The following LRRFIP2 variants were observed in gnomAD, a reference collection of about 807,000 sequenced individuals.
LRRFIP2 encodes the protein LRR binding FLII interacting protein 2.
Under a neutral mutation model 125.9 loss-of-function variants are expected in LRRFIP2, and 109 were observed. The ratio of observed to expected loss-of-function variants is 0.87; its 90% CI spans 0.74 to 1.01. The LOEUF (loss-of-function observed/expected upper bound fraction) is 1.01, where lower values mean the gene tolerates loss of function less well. Among genes scored for constraint, LRRFIP2 ranks in the 50% least tolerant of loss-of-function variants. LRRFIP2 has a pLI of 0.00. For synonymous variants in LRRFIP2, 291 were observed against 293.1 expected, an observed-to-expected ratio of 0.99 and a Z score of 0.07; for missense variants, 850 against 862.3, an observed-to-expected ratio of 0.99 and a Z score of 0.18.
chr3:37,077,297 C>T (rs969601235), intron 19 of LRRFIP2, among the ~76,000 whole-genome samples: 1 of 152,078 alleles, frequency 6.6e-6, no homozygotes, highest in African/African-American at 2.4e-5. Flanking sequence ...ATATAGGGAA[C>T]TGGTAGAATA....
intron 24 of LRRFIP2, among the ~76,000 whole-genome samples, chr3:37,061,397 TTTC>T (rs959331974): frequency 4.0e-5 from 6 of 151,334 alleles, no homozygotes; most frequent in African/African-American, 2.4e-5. Flanking sequence ...TCTTTTTCTT[TTTC>T]TTTTTTCCTT....
intron 15 of LRRFIP2, among the ~76,000 whole-genome samples, chr3:37,097,421 C>A (rs1437578470): frequency 6.6e-6 from 1 of 152,280 alleles, no homozygotes; most frequent in East Asian, 1.9e-4. Flanking sequence ...CACTCCCTGA[C>A]ACTACGGTAT....
chr3:37,129,749 T>C (rs1277827990), intron 2 of LRRFIP2, among the ~76,000 whole-genome samples: 1 of 152,140 alleles, frequency 6.6e-6, no homozygotes, highest in Non-Finnish European at 1.5e-5. Flanking sequence ...TCCCAGCACT[T>C]TGGGAGGCCA....
chr3:37,104,070 T>A (rs1367558324), intron 14 of LRRFIP2, among the ~76,000 whole-genome samples: 1 of 152,064 alleles, frequency 6.6e-6, no homozygotes, highest in Non-Finnish European at 1.5e-5. Context: ...GGCTTACAAG[T>A]ATGAAGTTTT....
At chr3:37,155,871 T>C (rs765735083) in intron 1 of LRRFIP2, among the ~76,000 whole-genome samples, 14 of 152,134 alleles carry the variant, frequency 9.2e-5, no homozygotes, top group Non-Finnish European at 1.8e-4. Flanking sequence ...TTCTGTATGT[T>C]TAAAAAAAGT....
chr3:37,111,126 A>G (rs2094532217), intron 8 of LRRFIP2, 61 bp from the exon 9 acceptor site: 8 of 1,393,866 alleles, frequency 5.7e-6, no homozygotes, highest in Non-Finnish European at 6.0e-6. Flanking sequence ...CTAACAACAC[A>G]CAAAGGCAAA....
chr3:37,088,792 T>C (rs2093254310), intron 18 of LRRFIP2, among the ~76,000 whole-genome samples: 1 of 151,918 alleles, frequency 6.6e-6, no homozygotes, highest in Non-Finnish European at 1.5e-5. Context: ...GCAAGAGACC[T>C]TGTCTCTAAA....
At chr3:37,168,001 GA>G (rs2096533355) in intron 1 of LRRFIP2, among the ~76,000 whole-genome samples, 2 of 152,116 alleles carry the variant, frequency 1.3e-5, no homozygotes, top group Non-Finnish European at 2.9e-5. Context: ...CAATCAATAA[GA>G]AAACAGAAAA....
chr3:37,082,616 T>C (rs193041898), intron 19 of LRRFIP2, among the ~76,000 whole-genome samples: 9 of 152,334 alleles, frequency 5.9e-5, no homozygotes, highest in Admixed American at 1.3e-4. Flanking sequence ...CATGTATCCA[T>C]AATAACATGT....
rs571072152 is a variant in LRRFIP2, at chr3:37,141,857, C to T, written c.90+7037G>A. Among the ~76,000 whole-genome samples, 34 of 152,280 alleles carry T rather than the reference C, an allele frequency of 2.2e-4. No homozygotes were observed. In the East Asian group the frequency reaches 3.7e-3, roughly 16 times the overall value. On this transcript the variant is annotated intron_variant, in intron 2 of 27. Transcript: ENST00000336686. ...GGCACTCTAAGTAGCTACTGGCTCA[C>T]GATCATAAGATCACTGCAAGAACAC...
At chr3:37,142,845 G>A (rs946586979) in intron 2 of LRRFIP2, among the ~76,000 whole-genome samples, 9 of 152,132 alleles carry the variant, frequency 5.9e-5, no homozygotes, top group South Asian at 2.1e-4. Context: ...TAAACAGTAC[G>A]AGTTCAAAAA....
At chr3:37,102,903 C>CACCCCATGCAATACACTCACGCTGG (rs1553739621) in intron 15 of LRRFIP2, 21 bp downstream of exon 15, 1 of 1,504,546 alleles carries the variant, frequency 6.6e-7, no homozygotes, top group Non-Finnish European at 9.0e-7. Context: ...CATAACCAAC[C>CACCCCATGCAATACACTCACGCTGG]ACCCCATGCA....
chr3:37,086,062 G>A lies in LRRFIP2; in HGVS notation c.1108-2256C>T, dbSNP rs79671199. On this transcript the variant is annotated intron_variant, in intron 18 of 27. Transcript: ENST00000336686. Reference sequence around the variant, plus strand: ...CACAAATCAATTTAAAAATGGGCAAGGACCTGGATATTTCTCCAAAGAGGA... The same window carrying A: ...CACAAATCAATTTAAAAATGGGCAAAGACCTGGATATTTCTCCAAAGAGGA... Among the ~76,000 whole-genome samples, 1,387 of 152,260 alleles carry A rather than the reference G, an allele frequency of 9.1e-3. 24 individuals are homozygous for A. The highest frequency in any genetic ancestry group is 0.032 in the African/African-American group (1,324 of 41,536).
intron 21 of LRRFIP2, among the ~76,000 whole-genome samples, chr3:37,069,848 C>A (rs991995837): frequency 6.6e-6 from 1 of 152,046 alleles, no homozygotes; most frequent in Non-Finnish European, 1.5e-5. Context: ...TATATAATTC[C>A]ATTTTTATAA....
At chr3:37,166,279 G>A (rs1279896923) in intron 1 of LRRFIP2, among the ~76,000 whole-genome samples, 7 of 152,186 alleles carry the variant, frequency 4.6e-5, no homozygotes, top group South Asian at 2.1e-4. Flanking sequence ...GCAGTGAGCC[G>A]AGATTGGGCC....
At chr3:37,091,028 T>C (rs1046025643) in intron 18 of LRRFIP2, among the ~76,000 whole-genome samples, 2 of 152,200 alleles carry the variant, frequency 1.3e-5, no homozygotes. Flanking sequence ...TTGACCAATT[T>C]AATTTTGTAT....
In LRRFIP2 at chr3:37,072,793, A is replaced by C. The variant is rs2148889854; in HGVS notation, c.1461T>G (p.Ile487Met). The change falls in exon 21 of 28, where the codon ATT becomes ATG. Residue 487 changes from isoleucine to methionine, a missense_variant. By Grantham distance (10) the Ile-to-Met change is conservative (BLOSUM62 1). Coordinates refer to ENST00000336686, the MANE Select transcript of LRRFIP2 (RefSeq NM_006309.4). Reference protein sequence around the residue: ...QETLLWKDKKIGALEKQKEYI... With the variant: ...QETLLWKDKKMGALEKQKEYI... ...AAAGCCCAATTTCATTTCATACCCC[A>C]ATTTTTTTATCTTTCCAAAGAAGTG... The C allele has an allele frequency of 4.4e-6, 7 of 1,607,602 alleles. No homozygotes were observed. In the East Asian group the frequency reaches 1.6e-4, roughly 36 times the overall value.
chr3:37,122,011 T>C (rs1469395797), intron 4 of LRRFIP2, among the ~76,000 whole-genome samples: 1 of 151,860 alleles, frequency 6.6e-6, no homozygotes, highest in African/African-American at 2.4e-5. Context: ...GTTGGTGTGC[T>C]GCACCCATTA....
chr3:37,101,085 C>T lies in LRRFIP2; in HGVS notation c.873+1839G>A, dbSNP rs116129196. On this transcript the variant is annotated intron_variant, in intron 15 of 27. Coordinates refer to ENST00000336686, the MANE Select transcript of LRRFIP2 (RefSeq NM_006309.4). The stretch of plus-strand genomic sequence containing the variant: ...TCTATTAAGAAATGTTGGCTGGGCG[C>T]GGTGGCTCATGTATGTAATCTCAGC... Among the ~76,000 whole-genome samples the T allele has an allele frequency of 6.4e-3, 980 of 152,002 alleles. 9 individuals carry two copies. The highest frequency in any genetic ancestry group is 0.022 in the African/African-American group (926 of 41,442).
Sources: allele counts gnomAD v4.1 joint callset (sites outside exome capture counted in the v4.1 genomes callset), GRCh38; gene constraint gnomAD v4.1.1; transcripts MANE v1.5; gene names NCBI Gene and HGNC (gene_info 2026-07-23, HGNC 2026-07-21).